TSPAN9: variants seen among roughly 807,000 people sequenced by gnomAD.
The protein encoded by TSPAN9 is tetraspanin 9.
In TSPAN9, 16 loss-of-function variants were observed where a neutral mutation model predicts 31.0. The observed-to-expected ratio is 0.52, with a 90% CI of 0.35 to 0.78. The LOEUF (loss-of-function observed/expected upper bound fraction) is 0.78. TSPAN9 is among the 30% of genes least tolerant of loss of function. The pLI is 0.01. For synonymous variants in TSPAN9, 145 were observed against 121.6 expected, an observed-to-expected ratio of 1.19 and a Z score of -1.27; for missense variants, 272 against 312.5, an observed-to-expected ratio of 0.87 and a Z score of 0.98.
At chr12:3,084,590 G>T (rs764719602) in intron 2 of TSPAN9, among the ~76,000 whole-genome samples, 14 of 152,270 alleles carry the variant, frequency 9.2e-5, no homozygotes, top group Middle Eastern at 3.4e-3. Flanking sequence ...TGCCTTGCAC[G>T]TTATACTTAG....
intron 2 of TSPAN9, among the ~76,000 whole-genome samples, chr12:3,194,863 C>G (rs909195780): frequency 9.2e-5 from 14 of 152,382 alleles, no homozygotes; most frequent in East Asian, 5.8e-4. Flanking sequence ...AGCCTCCCCC[C>G]ACCATGTGGG....
intron 3 of TSPAN9, among the ~76,000 whole-genome samples, chr12:3,220,051 A>G (rs111905088): frequency 0.056 from 8,509 of 151,648 alleles, 349 homozygotes; most frequent in African/African-American, 0.12. Flanking sequence ...AGGCTAAGGC[A>G]GGAGAATTGC....
At chr12:3,160,418 G>T (rs1565597328) in intron 2 of TSPAN9, among the ~76,000 whole-genome samples, 1 of 152,162 alleles carries the variant, frequency 6.6e-6, no homozygotes, top group Non-Finnish European at 1.5e-5. Flanking sequence ...TTTGTATATA[G>T]ATTTTTGTGT....
At chr12:3,104,594 T>G (rs1350237618) in intron 2 of TSPAN9, among the ~76,000 whole-genome samples, 1 of 152,088 alleles carries the variant, frequency 6.6e-6, no homozygotes, top group Non-Finnish European at 1.5e-5. Context: ...GCTCAAGCAT[T>G]CCTCCTGCCT....
At position 3,171,432 on chromosome 12, in the gene TSPAN9, C is replaced by G. The variant is rs1033030893; in HGVS notation, c.-17-29745C>G. Among the ~76,000 whole-genome samples the G allele has an allele frequency of 1.4e-4, 21 of 152,262 alleles. 1 individual carries two copies. The highest frequency in any genetic ancestry group is 5.1e-4 in the African/African-American group (21 of 41,546). Reference sequence around the variant, plus strand: ...TCTCATGTTTTCCATAATGCCAGCCCCAACCTTGAGGATCCCTTAACCCTG... The same window carrying G: ...TCTCATGTTTTCCATAATGCCAGCCGCAACCTTGAGGATCCCTTAACCCTG... On this transcript the variant is annotated intron_variant, in intron 2 of 8. Transcript: ENST00000011898.
intron 3 of TSPAN9, among the ~76,000 whole-genome samples, chr12:3,221,098 C>T (rs1328688328): frequency 6.6e-6 from 1 of 152,070 alleles, no homozygotes; most frequent in Non-Finnish European, 1.5e-5. Context: ...GAGACTGGGT[C>T]GCCACCCTCA....
At chr12:3,186,436 T>C (rs2098361353) in intron 2 of TSPAN9, among the ~76,000 whole-genome samples, 1 of 152,006 alleles carries the variant, frequency 6.6e-6, no homozygotes, top group Non-Finnish European at 1.5e-5. Context: ...TGCTGAGATC[T>C]AGGAGAAGAA....
chr12:3,142,271 G>A (rs1368904021), intron 2 of TSPAN9, among the ~76,000 whole-genome samples: 1 of 152,160 alleles, frequency 6.6e-6, no homozygotes, highest in Non-Finnish European at 1.5e-5. Flanking sequence ...TCCCCACCCA[G>A]CCACACCACT....
At chr12:3,161,635 GCAGCTCCC>G (rs1291895289) in intron 2 of TSPAN9, among the ~76,000 whole-genome samples, 6 of 152,188 alleles carry the variant, frequency 3.9e-5, no homozygotes, top group African/African-American at 1.4e-4. Flanking sequence ...GCACCAGTGA[GCAGCTCCC>G]CAGCCCCTGC....
chr12:3,148,356 TCAG>T (rs754765142), intron 2 of TSPAN9, among the ~76,000 whole-genome samples: 2 of 152,230 alleles, frequency 1.3e-5, no homozygotes, highest in African/African-American at 2.4e-5. Context: ...TGGTCCCAAG[TCAG>T]TCCAGAGTCA....
intron 2 of TSPAN9, among the ~76,000 whole-genome samples, chr12:3,122,398 T>C (rs2098325545): frequency 1.3e-5 from 2 of 151,932 alleles, no homozygotes; most frequent in African/African-American, 4.8e-5. Context: ...CACTGCAGCG[T>C]TGATCGGCTG....
intron 2 of TSPAN9, among the ~76,000 whole-genome samples, chr12:3,142,076 G>A (rs766338118): frequency 6.6e-6 from 1 of 152,212 alleles, no homozygotes; most frequent in Non-Finnish European, 1.5e-5. Context: ...TGTGACAGGT[G>A]CCTTCTATGG....
rs2098356760 is a variant in TSPAN9, at chr12:3,177,983, A to G, written c.-17-23194A>G. ...CCGATGGGTCTCTGGGCAGATGGTT[A>G]GCCCCTGGCCCTCAGTCGTGCAGGT... On this transcript the variant is annotated intron_variant, in intron 2 of 8. Coordinates refer to ENST00000011898, the MANE Select transcript of TSPAN9 (RefSeq NM_006675.5). Among the ~76,000 whole-genome samples, 4 of 152,256 alleles carry G rather than the reference A, an allele frequency of 2.6e-5. No individual in the cohort carries two copies. In the South Asian group the frequency reaches 8.3e-4, roughly 32 times the overall value.
At chr12:3,155,597 A>AT (rs1047205049) in intron 2 of TSPAN9, among the ~76,000 whole-genome samples, 1 of 70,024 alleles carries the variant, frequency 1.4e-5, no homozygotes, top group African/African-American at 3.0e-5. Flanking sequence ...CTGTCTCTTT[A>AT]AAAAAAAAAA....
At chr12:3,126,561 T>G (rs1185164286) in intron 2 of TSPAN9, among the ~76,000 whole-genome samples, 1 of 152,224 alleles carries the variant, frequency 6.6e-6, no homozygotes, top group African/African-American at 2.4e-5. Flanking sequence ...ACCCCTGTAT[T>G]AGGCTGTTCT....
intron 2 of TSPAN9, among the ~76,000 whole-genome samples, chr12:3,116,399 C>T (rs553835491): frequency 3.9e-5 from 6 of 152,298 alleles, no homozygotes; most frequent in Admixed American, 6.5e-5. Context: ...AGGCATCGTA[C>T]TTGTCTTACT....
At chr12:3,133,888 C>G (rs948423867) in intron 2 of TSPAN9, among the ~76,000 whole-genome samples, 1 of 152,152 alleles carries the variant, frequency 6.6e-6, no homozygotes, top group Non-Finnish European at 1.5e-5. Flanking sequence ...GCCACCCAGG[C>G]GCAGTTTCTA....
chr12:3,271,019 C>T (rs181525388), intron 3 of TSPAN9, among the ~76,000 whole-genome samples: 215 of 152,342 alleles, frequency 1.4e-3, no homozygotes, highest in African/African-American at 5.0e-3. Flanking sequence ...TTAGAACTGT[C>T]TCACATGGAG....
Position 3,247,313 on chromosome 12 carries a change from G to GC in TSPAN9, c.64-31106dup, listed in dbSNP as rs1269772804. On this transcript the variant is annotated intron_variant, in intron 3 of 8. Transcript: ENST00000011898. ...ATTACTGGCCAGCCCCCCCCCCCCC[G>GC]CCACCCGCGTCCCCAAGTAGAGTGA... 6.1e-5 allele frequency among the ~76,000 whole-genome samples: 2 copies of GC among 32,666 alleles called. 1 individual carries two copies. Among genetic ancestry groups the GC allele is most frequent in the Non-Finnish European group, 1.2e-4 (2 of 17,012 alleles). 21.4% of individuals were successfully genotyped at this position (32,666 alleles called of 152,430 possible).
Sources: gnomAD v4.1 joint callset for allele counts (sites outside exome capture counted in the v4.1 genomes callset) on GRCh38, gnomAD v4.1.1 for gene constraint, MANE v1.5 for transcripts, NCBI Gene and HGNC (gene_info 2026-07-23, HGNC 2026-07-21) for gene names.